PPME1: variants seen among roughly 807,000 people sequenced by gnomAD.
The protein encoded by PPME1 is protein phosphatase methylesterase 1, also known as testicular secretory protein Li 39.
In PPME1, 17 loss-of-function variants were observed where a neutral mutation model predicts 56.9. The observed-to-expected ratio is 0.30, with a 90% CI of 0.20 to 0.45. The LOEUF (loss-of-function observed/expected upper bound fraction) is 0.45, where lower values mean the gene tolerates loss of function less well. PPME1 is among the 20% of genes least tolerant of loss of function. The probability of loss-of-function intolerance (pLI) is 1.00; values close to 1 mark genes in which losing one functional copy is unlikely to be tolerated. For synonymous variants in PPME1, 122 were observed against 156.2 expected (o/e 0.78, Z 1.63); for missense variants, 357 against 483.2 (o/e 0.74, Z 2.45).
intron 3 of PPME1, among the ~76,000 whole-genome samples, chr11:74,212,312 C>T (rs1298130950): frequency 6.6e-6 from 1 of 152,196 alleles, no homozygotes; most frequent in Non-Finnish European, 1.5e-5. Flanking sequence ...TTTAGACCAG[C>T]CTTAGCCAGA....
chr11:74,236,035 C>A (rs2302508), intron 8 of PPME1, 69 bp downstream of exon 8: 9 of 1,565,984 alleles, frequency 5.7e-6, no homozygotes, highest in Admixed American at 3.8e-5. Context: ...CAGATTGCTT[C>A]TTTTGTCTTA....
chr11:74,184,813 T>G (rs1857630053), intron 1 of PPME1, among the ~76,000 whole-genome samples: 2 of 152,108 alleles, frequency 1.3e-5, no homozygotes, highest in Admixed American at 6.5e-5. Context: ...ACTTCTAGTC[T>G]GCTTGTTTCC....
rs2135661382 is a variant in PPME1, at chr11:74,230,198, A to G, written c.399-47A>G. Reference sequence around the variant, plus strand: ...AACTGGGAAAGAAAACCATTTTTACAGTGTTGTCAGAAAGCATTCTTAGAT... The same window carrying G: ...AACTGGGAAAGAAAACCATTTTTACGGTGTTGTCAGAAAGCATTCTTAGAT... On this transcript the variant is annotated intron_variant, in intron 5 of 13. Transcript: ENST00000328257. This position sits in a 1 kb window ranked among gnomAD's most constrained non-coding sequence, Gnocchi z 4.9. 5 of 1,558,258 alleles carry G rather than the reference A, an allele frequency of 3.2e-6. No homozygotes were observed. Among genetic ancestry groups the G allele is most frequent in the Middle Eastern group, 3.4e-4 (2 of 5,800 alleles).
intron 3 of PPME1, among the ~76,000 whole-genome samples, chr11:74,215,556 A>G (rs1214092935): frequency 6.6e-6 from 1 of 152,226 alleles, no homozygotes; most frequent in Non-Finnish European, 1.5e-5. Flanking sequence ...CAAGATATTT[A>G]AACATACCAC....
intron 4 of PPME1, among the ~76,000 whole-genome samples, chr11:74,224,830 T>G (rs1405173215): frequency 3.3e-5 from 5 of 149,814 alleles, no homozygotes; most frequent in Non-Finnish European, 7.4e-5. Flanking sequence ...CTTATCAGCT[T>G]AAGGAGATTT....
chr11:74,222,258 G>T, intron 3 of PPME1, 54 bp from the exon 4 acceptor site: 1 of 1,333,956 alleles, frequency 7.5e-7, no homozygotes, highest in Non-Finnish European at 1.1e-6. Flanking sequence ...ATTGGGAATT[G>T]GGTGAAATTT....
intron 10 of PPME1, 124 bp from the exon 11 acceptor site, chr11:74,246,955 T>C: frequency 1.2e-6 from 1 of 814,392 alleles, no homozygotes; most frequent in South Asian, 1.5e-5. Flanking sequence ...GAGAGTATGC[T>C]CTGGGAGTTA....
intron 1 of PPME1, among the ~76,000 whole-genome samples, chr11:74,181,380 C>G (rs1248646175): frequency 1.3e-5 from 2 of 152,178 alleles, no homozygotes; most frequent in Non-Finnish European, 2.9e-5. Context: ...CTTTAAAACT[C>G]ATGAAGCACT....
At chr11:74,243,477 C>T (rs1397611670) in intron 9 of PPME1, 1 of 152,072 alleles carries the variant, frequency 6.6e-6, no homozygotes, top group Non-Finnish European at 1.5e-5. Flanking sequence ...GAGCTGATCT[C>T]TTAGAAATGG....
chr11:74,232,998 C>T (rs980428398), intron 7 of PPME1, among the ~76,000 whole-genome samples: 4 of 150,960 alleles, frequency 2.6e-5, no homozygotes, highest in African/African-American at 7.3e-5. Flanking sequence ...TGAGCCACTA[C>T]GCCTGGCCCT....
intron 1 of PPME1, among the ~76,000 whole-genome samples, chr11:74,179,649 A>G (rs935969869): frequency 6.6e-6 from 1 of 152,216 alleles, no homozygotes; most frequent in African/African-American, 2.4e-5. Context: ...ATAAACACCT[A>G]GTTGTTTCCT....
Position 74,171,538 on chromosome 11 carries a change from C to T in PPME1, c.101+16C>T. 2 of 1,603,316 alleles carry T rather than the reference C, an allele frequency of 1.2e-6. No homozygotes were observed. The highest frequency in any genetic ancestry group is 1.1e-5 in the South Asian group (1 of 89,406). ...TGCGAATGGGGTACGTGACCCATAC[C>T]CCTTCTCCCTATGGGCCAGGCCCCA... On this transcript the variant is annotated intron_variant, in intron 1 of 13. Coordinates refer to ENST00000328257, the MANE Select transcript of PPME1 (RefSeq NM_016147.3).
chr11:74,250,741 T>G, intron 11 of PPME1: 2 of 556,512 alleles, frequency 3.6e-6, no homozygotes, highest in Non-Finnish European at 6.5e-6. Flanking sequence ...GTACACTAAA[T>G]AGGACAGAAG....
chr11:74,201,122 C>T (rs545149599), intron 1 of PPME1, among the ~76,000 whole-genome samples: 7 of 151,978 alleles, frequency 4.6e-5, no homozygotes, highest in African/African-American at 1.2e-4. Context: ...ATTACAGGCG[C>T]CCGCCACCAC....
Position 74,253,682 on chromosome 11 carries a change from T to C in PPME1, c.*172T>C. 1 of 732,410 alleles carries C rather than the reference T, an allele frequency of 1.4e-6. No homozygotes were observed. The highest frequency in any genetic ancestry group is 2.3e-6 in the Non-Finnish European group (1 of 432,958). The allele number at this position is 732,410 out of a possible 1,614,324, so 45.4% of individuals were successfully genotyped here. The stretch of plus-strand genomic sequence containing the variant: ...CTTTTCATGTATTCTGCCAAAAGCA[T>C]TGTTTTCCAGGGCCCTTGACCAACA... On this transcript the variant is annotated 3_prime_UTR_variant, in exon 14 of 14. Coordinates refer to ENST00000328257, the MANE Select transcript of PPME1 (RefSeq NM_016147.3).
chr11:74,252,594 G>A (rs576876073), intron 13 of PPME1: 56 of 452,920 alleles, frequency 1.2e-4, no homozygotes, highest in African/African-American at 9.4e-4. Context: ...ACATTTTGAG[G>A]TGGATAATTC....
Position 74,204,349 on chromosome 11 carries a change from A to T in PPME1, c.196-4A>T, listed in dbSNP as rs748317871. On this transcript the variant is annotated splice_region_variant and splice_polypyrimidine_tract_variant and intron_variant, in intron 2 of 13. Transcript: ENST00000328257. The stretch of plus-strand genomic sequence containing the variant: ...ATAGATGTTTTATCTTTAACTATTC[A>T]TACACTTTTCGAGTCTACAAGAGTG... 3.7e-6 allele frequency: 6 copies of T among 1,605,422 alleles called. No individual in the cohort carries two copies. The East Asian group carries it at 1.3e-4, about 36-fold the overall frequency.
At chr11:74,227,368 C>T (rs1373305479) in intron 5 of PPME1, among the ~76,000 whole-genome samples, 1 of 146,510 alleles carries the variant, frequency 6.8e-6, no homozygotes, top group East Asian at 1.9e-4. Context: ...TAAAAATCAT[C>T]CACAGTAGAT....
chr11:74,247,386 A>T, intron 11 of PPME1: 1 of 426,340 alleles, frequency 2.3e-6, no homozygotes. Context: ...ATAAGAGTTA[A>T]AATGAGGCAA....
Sources: allele counts gnomAD v4.1 joint callset (sites outside exome capture counted in the v4.1 genomes callset), GRCh38; gene constraint gnomAD v4.1.1; non-coding constraint Gnocchi (gnomAD v3.1); transcripts MANE v1.5; gene names NCBI Gene and HGNC (gene_info 2026-07-23, HGNC 2026-07-21).